Variants in HIBCH observed in about 807,000 individuals in gnomAD.
The protein encoded by HIBCH is 3-hydroxyisobutyryl-CoA hydrolase, mitochondrial.
HIBCH carries 50 observed loss-of-function variants against 58.2 expected under a neutral mutation model. The observed-to-expected ratio is 0.86, with a 90% CI of 0.68 to 1.09. The LOEUF is 1.09. Ranked by LOEUF, HIBCH falls within the 50% of genes least tolerant of loss-of-function variation. The pLI is 0.00. For missense variants in HIBCH, 450 were observed against 449.7 expected, an observed-to-expected ratio of 1.00 and a Z score of -0.01; for synonymous variants, 151 against 146.9, an observed-to-expected ratio of 1.03 and a Z score of -0.20.
intron 11 of HIBCH, among the ~76,000 whole-genome samples, chr2:190,234,099 G>T (rs1258595811): frequency 1.3e-5 from 2 of 152,208 alleles, no homozygotes; most frequent in African/African-American, 4.8e-5. Context: ...GGAGCTTGGA[G>T]TGAGCTGAGA....
chr2:190,266,844 C>T (rs1559043082), intron 6 of HIBCH, among the ~76,000 whole-genome samples: 2 of 152,062 alleles, frequency 1.3e-5, no homozygotes, highest in Admixed American at 6.5e-5. Flanking sequence ...GCAACCTCTG[C>T]CTCCTGGGTT....
chr2:190,219,120 C>T (rs1685644930), intron 11 of HIBCH, among the ~76,000 whole-genome samples: 1 of 151,044 alleles, frequency 6.6e-6, no homozygotes, highest in African/African-American at 2.5e-5. Context: ...CCTTGGCATT[C>T]CAGAAGATCT....
chr2:190,213,321 T>A (rs1690557493), intron 11 of HIBCH: 1 of 460,954 alleles, frequency 2.2e-6, no homozygotes, highest in Non-Finnish European at 3.9e-6. Flanking sequence ...ATTTGTAGTT[T>A]GCTTAGCATA....
chr2:190,263,667 A>G (rs889864451), intron 6 of HIBCH, among the ~76,000 whole-genome samples: 1 of 152,136 alleles, frequency 6.6e-6, no homozygotes, highest in Admixed American at 6.5e-5. Flanking sequence ...AAGTATCTCA[A>G]CCTTCACACA....
intron 4 of HIBCH, among the ~76,000 whole-genome samples, chr2:190,293,226 C>T (rs1031317993): frequency 1.3e-5 from 2 of 152,054 alleles, no homozygotes; most frequent in African/African-American, 4.8e-5. Flanking sequence ...CCGAGGCAGG[C>T]GGATCGCCTG....
chr2:190,268,167 G>A (rs1257881453), intron 6 of HIBCH, among the ~76,000 whole-genome samples: 1 of 152,152 alleles, frequency 6.6e-6, no homozygotes, highest in Non-Finnish European at 1.5e-5. Context: ...ATTATGGTAT[G>A]TCCTACCTCA....
rs1406812512 is a variant in HIBCH at position 190,217,499 on chromosome 2, CTA to C, written c.892-4426_892-4425del. On this transcript the variant is annotated intron_variant, in intron 11 of 13. Coordinates refer to ENST00000359678, the MANE Select transcript of HIBCH (RefSeq NM_014362.4). This position sits in a 1 kb window ranked among gnomAD's most constrained non-coding sequence, Gnocchi z 4.6. Reference sequence around the variant, plus strand: ...TTCTGTCTTAAAACAAAAAAACAGACTACTGGAAAAAGACCTCCTGGGTTAAG... The same window carrying C: ...TTCTGTCTTAAAACAAAAAAACAGACCTGGAAAAAGACCTCCTGGGTTAAG... Among the ~76,000 whole-genome samples the C allele has an allele frequency of 5.9e-5, 9 of 152,094 alleles. No homozygotes were observed. Among genetic ancestry groups the C allele is most frequent in the Non-Finnish European group, 7.4e-5 (5 of 68,018 alleles).
At position 190,207,741 on chromosome 2, in the gene HIBCH, C is replaced by T. The variant is rs768556142; in HGVS notation, c.1045+1139G>A. 2.0e-5 allele frequency among the ~76,000 whole-genome samples: 3 copies of T among 151,948 alleles called. No individual in the cohort carries two copies. Among genetic ancestry groups the T allele is most frequent in the Non-Finnish European group, 4.4e-5 (3 of 67,986 alleles). On this transcript the variant is annotated intron_variant, in intron 13 of 13. Coordinates refer to ENST00000359678, the MANE Select transcript of HIBCH (RefSeq NM_014362.4). This position sits in a 1 kb window ranked among gnomAD's most constrained non-coding sequence, Gnocchi z 4.5. ...ACTAAAAATACAAAAATCAGCTAGG[C>T]GTGGTGGCATGGGCTGGTAGTCCCA... is the stretch of plus-strand genomic sequence containing the variant.
rs1553505771 is a variant in HIBCH at position 190,294,039 on chromosome 2, T to TATAC, written c.304+506_304+507insGTAT. Among the ~76,000 whole-genome samples the TATAC allele has an allele frequency of 6.0e-4, 88 of 146,646 alleles. No individual in the cohort carries two copies. The Middle Eastern group carries it at 0.018, about 30-fold the overall frequency. ...TTTTGTGTGTATATATATATATATA[T>TATAC]ATATATATATATATAGCAACAGGAT... On this transcript the variant is annotated intron_variant, in intron 4 of 13. Transcript: ENST00000359678.
intron 2 of HIBCH, among the ~76,000 whole-genome samples, chr2:190,301,227 A>G (rs964272397): frequency 2.6e-5 from 4 of 152,156 alleles, no homozygotes; most frequent in Middle Eastern, 3.2e-3. Flanking sequence ...CATACAGAAC[A>G]AAAGGCTTTA....
chr2:190,251,776 A>C (rs1189780015), intron 8 of HIBCH, among the ~76,000 whole-genome samples: 1 of 152,042 alleles, frequency 6.6e-6, no homozygotes. Flanking sequence ...GCGCTAGGGA[A>C]ACTCATAACC....
rs1690608124 is a variant in HIBCH, at chr2:190,215,480, GAGGCTCAGTGATCAA to G, written c.892-2420_892-2406del. 1 of 152,200 alleles carries G rather than the reference GAGGCTCAGTGATCAA, an allele frequency of 6.6e-6. No individual in the cohort carries two copies. The highest frequency in any genetic ancestry group is 2.4e-5 in the African/African-American group (1 of 41,458). The allele number at this position is 152,200 out of a possible 1,614,324, so 9.4% of individuals were successfully genotyped here. Reference sequence around the variant, plus strand: ...AGGAGACTCCCTCTGTGTTGCTGCAGAGGCTCAGTGATCAAATGCGAAAATATTCAGGATTAAATC... The same window carrying G: ...AGGAGACTCCCTCTGTGTTGCTGCAGATGCGAAAATATTCAGGATTAAATC... On this transcript the variant is annotated intron_variant, in intron 11 of 13. Coordinates refer to ENST00000359678, the MANE Select transcript of HIBCH (RefSeq NM_014362.4). This position sits in a 1 kb window ranked among gnomAD's most constrained non-coding sequence, Gnocchi z 4.4.
At chr2:190,219,488 C>G (rs1468267327) in intron 11 of HIBCH, among the ~76,000 whole-genome samples, 1 of 152,132 alleles carries the variant, frequency 6.6e-6, no homozygotes, top group Non-Finnish European at 1.5e-5. Flanking sequence ...GAATTTGAGT[C>G]TAAAATAAAA....
intron 4 of HIBCH, among the ~76,000 whole-genome samples, chr2:190,294,254 C>A (rs1414978832): frequency 6.6e-6 from 1 of 151,374 alleles, no homozygotes; most frequent in Non-Finnish European, 1.5e-5. Flanking sequence ...TAAAGTGGAC[C>A]CATATACCCT....
rs759582872 is a variant in HIBCH at position 190,232,849 on chromosome 2, T to G, written c.891+12038A>C. Among the ~76,000 whole-genome samples, 236 of 152,032 alleles carry G rather than the reference T, an allele frequency of 1.6e-3. 2 individuals carry two copies. Among genetic ancestry groups the G allele is most frequent in the Non-Finnish European group, 5.6e-4 (38 of 67,944 alleles). On this transcript the variant is annotated intron_variant, in intron 11 of 13. Coordinates refer to ENST00000359678, the MANE Select transcript of HIBCH (RefSeq NM_014362.4). The stretch of plus-strand genomic sequence containing the variant: ...GGCGGGCACCTGTAGTCCCAGCTAC[T>G]CGGGAGGCTGAGGCAGGAGAATGGC...
chr2:190,233,217 T>A (rs540642881), intron 11 of HIBCH, among the ~76,000 whole-genome samples: 2 of 152,248 alleles, frequency 1.3e-5, no homozygotes, highest in Non-Finnish European at 2.9e-5. Context: ...GAAAAAAGGA[T>A]AAGCTGGATT....
At chr2:190,293,475 A>C (rs1009945102) in intron 4 of HIBCH, among the ~76,000 whole-genome samples, 4 of 151,998 alleles carry the variant, frequency 2.6e-5, no homozygotes, top group Non-Finnish European at 5.9e-5. Context: ...TAAATAAATA[A>C]ATAAAATAAT....
Position 190,276,438 on chromosome 2 carries a change from T to C in HIBCH, c.438+11148A>G, listed in dbSNP as rs144231033. ...GGATATCTGTCCCCTCCAAATCTCA[T>C]GTTGAAATTTATTCTCCAACATTAG... is the stretch of plus-strand genomic sequence containing the variant. On this transcript the variant is annotated intron_variant, in intron 6 of 13. Coordinates refer to ENST00000359678, the MANE Select transcript of HIBCH (RefSeq NM_014362.4). 4.6e-5 allele frequency among the ~76,000 whole-genome samples: 7 copies of C among 152,342 alleles called. No homozygotes were observed. The East Asian group carries it at 1.2e-3, about 25-fold the overall frequency.
rs984878788 is a variant in HIBCH, at chr2:190,243,261, T to C, written c.891+1626A>G. On this transcript the variant is annotated intron_variant, in intron 11 of 13. Transcript: ENST00000359678. This position sits in a 1 kb window ranked among gnomAD's most constrained non-coding sequence, Gnocchi z 4.1. ...CTGGCCTAGCCTCCCAGCCTGTATCTTTCTCCCATGCTGGATGCTTCCTGC... is the reference window on the plus strand; with the variant it reads ...CTGGCCTAGCCTCCCAGCCTGTATCCTTCTCCCATGCTGGATGCTTCCTGC... Among the ~76,000 whole-genome samples, 13 of 152,138 alleles carry C rather than the reference T, an allele frequency of 8.5e-5. No homozygotes were observed. The highest frequency in any genetic ancestry group is 3.1e-4 in the African/African-American group (13 of 41,420).
Sources: allele counts gnomAD v4.1 joint callset (sites outside exome capture counted in the v4.1 genomes callset), GRCh38; gene constraint gnomAD v4.1.1; non-coding constraint Gnocchi (gnomAD v3.1); transcripts MANE v1.5; gene names NCBI Gene and HGNC (gene_info 2026-07-23, HGNC 2026-07-21).